Variants in SRGAP2 observed in about 807,000 individuals in gnomAD.
SRGAP2 encodes SLIT-ROBO Rho GTPase activating protein 2.
SRGAP2 carries 15 observed loss-of-function variants against 57.2 expected under a neutral mutation model. The observed-to-expected ratio is 0.26, with a 90% CI of 0.18 to 0.40. The LOEUF is 0.40. SRGAP2 is among the 10% of genes least tolerant of loss of function. The probability of loss-of-function intolerance (pLI) is 1.00; values close to 1 mark genes in which losing one functional copy is unlikely to be tolerated. For synonymous variants in SRGAP2, 249 were observed against 248.0 expected (o/e 1.00, Z -0.04); for missense variants, 520 against 669.6 (o/e 0.78, Z 2.47).
intron 4 of SRGAP2, among the ~76,000 whole-genome samples, chr1:206,383,248 T>C: frequency 6.7e-6 from 1 of 150,060 alleles, no homozygotes; most frequent in East Asian, 1.9e-4. Context: ...TGGTCTCGAA[T>C]TCCTGACCTC....
At chr1:206,346,876 C>T (rs1675669299) in intron 4 of SRGAP2, among the ~76,000 whole-genome samples, 1 of 152,148 alleles carries the variant, frequency 6.6e-6, no homozygotes, top group Non-Finnish European at 1.5e-5. Flanking sequence ...TCCTTTAATC[C>T]TTACCATAAT....
At chr1:206,425,546 G>GT (rs1312245100) in intron 13 of SRGAP2, among the ~76,000 whole-genome samples, 1 of 151,056 alleles carries the variant, frequency 6.6e-6, no homozygotes, top group Non-Finnish European at 1.5e-5. Context: ...GTTTTGTTTT[G>GT]TTTTTTGAGA....
intron 3 of SRGAP2, among the ~76,000 whole-genome samples, chr1:206,307,151 A>G (rs1672269525): frequency 6.6e-6 from 1 of 152,136 alleles, no homozygotes; most frequent in South Asian, 2.1e-4. Flanking sequence ...CAGGGTGCTG[A>G]TTGGTGTGTT....
At chr1:206,432,891 C>T (rs1433853140) in intron 14 of SRGAP2, among the ~76,000 whole-genome samples, 1 of 152,220 alleles carries the variant, frequency 6.6e-6, no homozygotes, top group African/African-American at 2.4e-5. Flanking sequence ...GTTGTTTACC[C>T]TGGTAATCAC....
intron 17 of SRGAP2, among the ~76,000 whole-genome samples, chr1:206,445,591 A>C (rs376886372): frequency 6.5e-4 from 99 of 152,296 alleles, no homozygotes; most frequent in African/African-American, 2.2e-3. Context: ...ATCCCTAATA[A>C]TTTGATTATT....
At chr1:206,450,885 G>A (rs1663215417) in intron 19 of SRGAP2, among the ~76,000 whole-genome samples, 1 of 152,024 alleles carries the variant, frequency 6.6e-6, no homozygotes, top group African/African-American at 2.4e-5. Flanking sequence ...GCCCAGGCGG[G>A]AGGATCACTT....
chr1:206,373,886 A>C (rs1164242582), intron 4 of SRGAP2, among the ~76,000 whole-genome samples: 1 of 151,636 alleles, frequency 6.6e-6, no homozygotes, highest in African/African-American at 2.4e-5. Context: ...GATTTAACAC[A>C]CCTGTCTCAG....
At chr1:206,292,709 T>A (rs1158640607) in intron 2 of SRGAP2, among the ~76,000 whole-genome samples, 1 of 148,176 alleles carries the variant, frequency 6.7e-6, no homozygotes, top group Non-Finnish European at 1.5e-5. Flanking sequence ...CTACATCTTT[T>A]TAATTCTACA....
intron 2 of SRGAP2, among the ~76,000 whole-genome samples, chr1:206,247,177 G>T (rs1668546953): frequency 6.6e-6 from 1 of 150,740 alleles, no homozygotes; most frequent in African/African-American, 2.4e-5. Context: ...TTGCCCAGGG[G>T]TTCATGATCA....
intron 2 of SRGAP2, among the ~76,000 whole-genome samples, chr1:206,296,343 T>C (rs2102733887): frequency 6.7e-6 from 1 of 149,658 alleles, no homozygotes; most frequent in East Asian, 2.0e-4. Flanking sequence ...TGAAAGCATG[T>C]GGACCGAGAG....
chr1:206,238,722 G>C (rs1337358708), intron 2 of SRGAP2, among the ~76,000 whole-genome samples: 1 of 151,814 alleles, frequency 6.6e-6, no homozygotes, highest in African/African-American at 2.4e-5. Context: ...AGGATCCTGT[G>C]GCTGGGCATT....
chr1:206,359,796 C>CCCT (rs1558345475), intron 4 of SRGAP2, among the ~76,000 whole-genome samples: 17 of 103,678 alleles, frequency 1.6e-4, no homozygotes, highest in African/African-American at 8.1e-4. Flanking sequence ...AGGGATATTG[C>CCCT]TCTTTTTTTT....
intron 5 of SRGAP2, among the ~76,000 whole-genome samples, chr1:206,385,878 T>G (rs1553348325): frequency 6.6e-6 from 1 of 152,114 alleles, no homozygotes; most frequent in Non-Finnish European, 1.5e-5. Context: ...ATTGCCTGAG[T>G]GTGGTATCCC....
At position 206,458,859 on chromosome 1, in the gene SRGAP2, A is replaced by C. The variant is rs782210132; in HGVS notation, c.2744A>C (p.Asp915Ala). ...CACTCATCCCTGAAGAATCGGCTGGATAGTCCACAGATCCGGAAGACTGCC... is the reference window on the plus strand; with the variant it reads ...CACTCATCCCTGAAGAATCGGCTGGCTAGTCCACAGATCCGGAAGACTGCC... ...SRHSSLKNRL[D>A]SPQIRKTATA... Residue 915 changes from aspartate to alanine, a missense_variant, in exon 22 of 23, where the codon GAT becomes GCT. By Grantham distance (126) the Asp-to-Ala change is moderately radical. This residue lies in a region of SRGAP2 where 478 missense variants were observed against 373.6 expected (regional missense o/e 1.28). Coordinates refer to ENST00000573034, the MANE Select transcript of SRGAP2 (RefSeq NM_015326.5). 2 of 780,596 alleles carry C rather than the reference A, an allele frequency of 2.6e-6. No homozygotes were observed. The highest frequency in any genetic ancestry group is 3.4e-5 in the Admixed American group (2 of 58,994). 48.4% of individuals were successfully genotyped at this position (780,596 alleles called of 1,614,324 possible).
At chr1:206,372,879 C>CCTTT (rs1214460549) in intron 4 of SRGAP2, among the ~76,000 whole-genome samples, 2 of 79,464 alleles carry the variant, frequency 2.5e-5, no homozygotes, top group African/African-American at 5.0e-5. Flanking sequence ...CAGGTAGATT[C>CCTTT]CTTTCTTTCT....
intron 2 of SRGAP2, among the ~76,000 whole-genome samples, chr1:206,234,372 C>T (rs547622047): frequency 3.2e-4 from 49 of 152,280 alleles, no homozygotes; most frequent in Admixed American, 5.2e-4. Context: ...GAGCACTGAG[C>T]CTCAGGCACT....
In SRGAP2 at chr1:206,419,413, T is replaced by G. The variant is rs1660094763; in HGVS notation, c.1469+13T>G. On this transcript the variant is annotated intron_variant, in intron 12 of 22. Coordinates refer to ENST00000573034, the MANE Select transcript of SRGAP2 (RefSeq NM_015326.5). Reference sequence around the variant, plus strand: ...GCAGTCTAGCCAGGTGAGTGTGGCCTGGGACAGGCCTGGGAAGTGATAGAG... The same window carrying G: ...GCAGTCTAGCCAGGTGAGTGTGGCCGGGGACAGGCCTGGGAAGTGATAGAG... 5.1e-6 allele frequency: 4 copies of G among 780,784 alleles called. No homozygotes were observed. Among genetic ancestry groups the G allele is most frequent in the African/African-American group, 1.7e-5 (1 of 59,258 alleles). The allele number at this position is 780,784 out of a possible 1,614,324, so 48.4% of individuals were successfully genotyped here.
intron 3 of SRGAP2, among the ~76,000 whole-genome samples, chr1:206,311,996 G>A (rs1672680276): frequency 6.6e-6 from 1 of 152,220 alleles, no homozygotes; most frequent in African/African-American, 2.4e-5. Flanking sequence ...AGTGACAATA[G>A]TACTGTATTT....
intron 5 of SRGAP2, among the ~76,000 whole-genome samples, chr1:206,389,626 T>C (rs1418247697): frequency 6.6e-6 from 1 of 152,232 alleles, no homozygotes; most frequent in Non-Finnish European, 1.5e-5. Flanking sequence ...GAGTTACTGT[T>C]TGCCTACCTG....
Sources: gnomAD v4.1 joint callset for allele counts (sites outside exome capture counted in the v4.1 genomes callset) on GRCh38, gnomAD v4.1.1 for gene constraint, gnomAD v4.1.1 regional missense constraint, MANE v1.5 for transcripts, NCBI Gene and HGNC (gene_info 2026-07-23, HGNC 2026-07-21) for gene names.